The following IKBKG variants were observed in gnomAD, a reference collection of about 807,000 sequenced individuals.
IKBKG encodes inhibitor of nuclear factor kappa B kinase regulatory subunit gamma, also known as NF-kappa-B essential modulator.
Under a neutral mutation model 13.7 loss-of-function variants are expected in IKBKG, and 2 were observed. That is an observed-to-expected ratio of 0.15 (90% CI 0.06 to 0.46). The LOEUF (loss-of-function observed/expected upper bound fraction) is 0.46. Ranked by LOEUF, IKBKG falls within the 20% of genes least tolerant of loss-of-function variation. IKBKG has a pLI of 0.98. For missense variants in IKBKG, 53 were observed against 150.3 expected (o/e 0.35, Z 3.39); for synonymous variants, 22 against 64.4 (o/e 0.34, Z 3.15).
upstream of IKBKG, among the ~76,000 whole-genome samples, chrX:154,542,880 G>A (rs781909194): frequency 2.1e-4 from 23 of 112,181 alleles, no homozygotes; most frequent in Non-Finnish European, 4.3e-4. Context: ...ACTTGCCGTG[G>A]TTCCCTGGCC....
chrX:154,546,939 G>A, upstream of IKBKG: 1 of 479,248 alleles, frequency 2.1e-6, no homozygotes, highest in Non-Finnish European at 2.9e-6. Context: ...GTGCGGGGCG[G>A]GGCCTCGGCC....
chrX:154,546,640 A>G (rs1016955606), upstream of IKBKG: 13 of 494,595 alleles, frequency 2.6e-5, no homozygotes, highest in Non-Finnish European at 3.5e-5. Context: ...GGCTCAAGAG[A>G]GGAGGTGCGG....
chrX:154,546,780 G>T (rs782395004), upstream of IKBKG: 60 of 1,154,578 alleles, frequency 5.2e-5, no homozygotes, highest in Non-Finnish European at 6.0e-5. Context: ...CGCCCGCCCG[G>T]CCGGTTACCT....
chrX:154,542,024 G>C (rs2070521686), intron 1 of IKBKG, among the ~76,000 whole-genome samples: 1 of 112,154 alleles, frequency 8.9e-6, no homozygotes, highest in African/African-American at 3.2e-5. Context: ...AGAGAACCTG[G>C]GGGCTGCTGA....
upstream of IKBKG, among the ~76,000 whole-genome samples, chrX:154,543,873 T>TC (rs1569556377): frequency 9.4e-6 from 1 of 106,541 alleles, no homozygotes; most frequent in Non-Finnish European, 1.9e-5. Flanking sequence ...TTTGTTATTT[T>TC]TTTTTTTTTT....
At chrX:154,555,575 C>T (rs987663785) in intron 2 of IKBKG, among the ~76,000 whole-genome samples, 7 of 112,387 alleles carry the variant, frequency 6.2e-5, no homozygotes, top group African/African-American at 2.3e-4. Flanking sequence ...TGGCATTTAA[C>T]ACATACTTTT....
At chrX:154,546,862 C>T (rs782609860), upstream of IKBKG, 1 of 1,112,181 alleles carries the variant, frequency 9.0e-7, no homozygotes, top group African/African-American at 1.9e-5. Context: ...CTGAGCCCCG[C>T]CGGCCCATTT....
At chrX:154,542,453 G>GT (rs782052842), upstream of IKBKG, 21 of 1,175,104 alleles carry the variant, frequency 1.8e-5, no homozygotes, top group Non-Finnish European at 2.4e-5. Flanking sequence ...GAAGGGGGCA[G>GT]TAAGTACCTC....
chrX:154,546,339 C>T (rs2070714724), upstream of IKBKG: 1 of 579,759 alleles, frequency 1.7e-6, no homozygotes, highest in African/African-American at 2.2e-5. Context: ...ACTGCTGGCT[C>T]TGGGCTCCAG....
At chrX:154,542,021 C>G (rs2070521456) in intron 1 of IKBKG, among the ~76,000 whole-genome samples, 1 of 112,051 alleles carries the variant, frequency 8.9e-6, no homozygotes, top group South Asian at 3.7e-4. Context: ...GCCAGAGAAC[C>G]TGGGGGCTGC....
intron 1 of IKBKG, among the ~76,000 whole-genome samples, chrX:154,549,815 T>G (rs1357931895): frequency 6.2e-5 from 7 of 112,467 alleles, no homozygotes; most frequent in African/African-American, 2.3e-4. Flanking sequence ...TGTAGACATC[T>G]TATATAAATA....
At chrX:154,553,411 CG>C (rs2070987183) in intron 2 of IKBKG, among the ~76,000 whole-genome samples, 1 of 112,807 alleles carries the variant, frequency 8.9e-6, no homozygotes, top group Admixed American at 9.3e-5. Flanking sequence ...GCTGACACCC[CG>C]TGGGCAGAGA....
chrX:154,545,656 G>A (rs2070682302), upstream of IKBKG: 1 of 194,557 alleles, frequency 5.1e-6, no homozygotes, highest in African/African-American at 3.1e-5. Flanking sequence ...TCAACATGGT[G>A]AAACTCCGTC....
At chrX:154,546,823 G>A (rs782700083), upstream of IKBKG, 24 of 1,158,568 alleles carry the variant, frequency 2.1e-5, no homozygotes, top group Middle Eastern at 4.0e-3. Flanking sequence ...CGCGCTCGCA[G>A]CCCCGAAGTG....
chrX:154,545,856 A>AT, upstream of IKBKG: 3 of 460,817 alleles, frequency 6.5e-6, no homozygotes, highest in Non-Finnish European at 1.1e-5. Flanking sequence ...AAAAAAAAAA[A>AT]GTCTTGCAAG....
At chrX:154,562,662 G>A (rs2071137035) in intron 6 of IKBKG, 148 bp from the exon 7 acceptor site, 1 of 123,354 alleles carries the variant, frequency 8.1e-6, no homozygotes, top group Non-Finnish European at 1.3e-5. Flanking sequence ...CCCTGTGCAC[G>A]CTGAGATCCT....
upstream of IKBKG, chrX:154,547,255 C>A: frequency 1.5e-6 from 1 of 676,030 alleles, no homozygotes; most frequent in African/African-American, 2.4e-5. Context: ...GGCTGTCCCT[C>A]GGCTCCTGGG....
intron 2 of IKBKG, among the ~76,000 whole-genome samples, chrX:154,554,300 G>A (rs2071006687): frequency 8.9e-6 from 1 of 112,740 alleles, no homozygotes. Context: ...TGCAGATGAG[G>A]AGGGTGCTGG....
At chrX:154,553,304 A>G (rs2070983881) in intron 2 of IKBKG, among the ~76,000 whole-genome samples, 1 of 110,142 alleles carries the variant, frequency 9.1e-6, no homozygotes, top group African/African-American at 3.3e-5. Flanking sequence ...TCATGGGCCC[A>G]CTCCCCCGCC....
Sources: allele counts gnomAD v4.1 joint callset (sites outside exome capture counted in the v4.1 genomes callset), GRCh38; gene constraint gnomAD v4.1.1; transcripts MANE v1.5; gene names NCBI Gene and HGNC (gene_info 2026-07-23, HGNC 2026-07-21).